Variants in PCDHA1 observed in about 807,000 individuals in gnomAD.
PCDHA1 encodes protocadherin alpha 1.
PCDHA1 carries 42 observed loss-of-function variants against 61.3 expected under a neutral mutation model. The ratio of observed to expected loss-of-function variants is 0.69; its 90% CI spans 0.54 to 0.89. The LOEUF (loss-of-function observed/expected upper bound fraction) is 0.89. Ranked by LOEUF, PCDHA1 falls within the 40% of genes least tolerant of loss-of-function variation. The probability of loss-of-function intolerance (pLI) is 0.00; values close to 1 mark genes in which losing one functional copy is unlikely to be tolerated. For synonymous variants in PCDHA1, 610 were observed against 553.8 expected, an observed-to-expected ratio of 1.10 and a Z score of -1.43; for missense variants, 1,256 against 1,235.3, an observed-to-expected ratio of 1.02 and a Z score of -0.25.
intron 1 of PCDHA1, chr5:140,870,556 G>A (rs782048917): frequency 8.1e-6 from 13 of 1,614,038 alleles, no homozygotes; most frequent in Middle Eastern, 1.7e-4. Flanking sequence ...GGACGCGCAG[G>A]AGAACGCGCT....
chr5:140,844,668 T>C lies in PCDHA1; in HGVS notation c.2394+55984T>C, dbSNP rs2150373115. Among the ~76,000 whole-genome samples, 20 of 149,718 alleles carry C rather than the reference T, an allele frequency of 1.3e-4. 1 individual carries two copies. The highest frequency in any genetic ancestry group is 4.9e-4 in the African/African-American group (20 of 40,994). On this transcript the variant is annotated intron_variant, in intron 1 of 3. Transcript: ENST00000504120. ...TCATTCTTGCAAACCAAACATATAA[T>C]TTATAAATCCTTATTATACAGAATA... is the stretch of plus-strand genomic sequence containing the variant.
intron 1 of PCDHA1, chr5:140,801,268 C>T: frequency 6.2e-7 from 1 of 1,613,724 alleles, no homozygotes. Context: ...CTCGCAGCCT[C>T]GGAGGTGGGG....
intron 1 of PCDHA1, chr5:140,822,398 G>C: frequency 6.2e-7 from 1 of 1,614,062 alleles, no homozygotes; most frequent in Non-Finnish European, 8.5e-7. Context: ...CAAGAACACC[G>C]TTTATTAGTG....
chr5:140,819,310 T>C (rs1766532133), intron 1 of PCDHA1, among the ~76,000 whole-genome samples: 1 of 152,190 alleles, frequency 6.6e-6, no homozygotes, highest in African/African-American at 2.4e-5. Flanking sequence ...AATTTTATTC[T>C]GGGTTTTGTA....
chr5:140,998,639 A>G (rs1165002908), intron 3 of PCDHA1, among the ~76,000 whole-genome samples: 2 of 151,766 alleles, frequency 1.3e-5, no homozygotes, highest in African/African-American at 2.4e-5. Flanking sequence ...ATCTCAGCTC[A>G]CTGCAACCTC....
Position 140,786,149 on chromosome 5 carries a change from TA to T in PCDHA1, c.-138del. On this transcript the variant is annotated 5_prime_UTR_variant, in exon 1 of 4. Transcript: ENST00000504120. ...TCAATAGAAGGGAGCTACTGATCAC[TA>T]AAAGTGAAGGAGGAAGCTCCATTTT... 1 of 1,088,264 alleles carries T rather than the reference TA, an allele frequency of 9.2e-7. No homozygotes were observed. The highest frequency in any genetic ancestry group is 1.3e-6 in the Non-Finnish European group (1 of 755,378). The allele number at this position is 1,088,264 out of a possible 1,614,324, so 67.4% of individuals were successfully genotyped here.
chr5:140,821,804 G>C, intron 1 of PCDHA1: 1 of 1,613,464 alleles, frequency 6.2e-7, no homozygotes, highest in South Asian at 1.1e-5. Context: ...GGAAGTCTGG[G>C]ATCCCGGCTC....
intron 3 of PCDHA1, among the ~76,000 whole-genome samples, chr5:140,987,422 G>A (rs1554249178): frequency 6.6e-6 from 1 of 152,152 alleles, no homozygotes; most frequent in Non-Finnish European, 1.5e-5. Flanking sequence ...CTTGTGAGAA[G>A]CAGGGGGCCT....
intron 1 of PCDHA1, chr5:140,830,253 T>G: frequency 6.2e-7 from 1 of 1,613,696 alleles, no homozygotes; most frequent in Non-Finnish European, 8.5e-7. Flanking sequence ...TACACAGCGC[T>G]GCGGTGCTCG....
intron 1 of PCDHA1, among the ~76,000 whole-genome samples, chr5:140,947,763 A>C (rs1392881813): frequency 1.3e-5 from 2 of 151,658 alleles, no homozygotes; most frequent in Non-Finnish European, 3.0e-5. Context: ...TGGTTTAAAA[A>C]ATTCTATTGT....
rs1554118038 is a variant in PCDHA1 at position 140,787,898 on chromosome 5, C to G, written c.1608C>G (p.Ser536Arg). 6.2e-6 allele frequency: 10 copies of G among 1,613,526 alleles called. No homozygotes were observed. The highest frequency in any genetic ancestry group is 8.5e-6 in the Non-Finnish European group (10 of 1,179,854). The change falls in exon 1 of 4, where the codon AGC (serine) becomes AGG (arginine). Residue 536 changes from serine (S) to arginine (R), a missense_variant. By Grantham distance (110) the Ser-to-Arg change is moderately radical. Coordinates refer to ENST00000504120, the MANE Select transcript of PCDHA1 (RefSeq NM_018900.4). The part of the protein sequence containing the change: ...EELELLQFQV[S>R]ARDAGVPPLG... ...TGGAGCTGCTGCAGTTCCAGGTGAG[C>G]GCGCGGGATGCGGGCGTGCCGCCTC... is the stretch of plus-strand genomic sequence containing the variant.
intron 1 of PCDHA1, chr5:140,797,182 G>A: frequency 6.2e-7 from 1 of 1,614,168 alleles, no homozygotes; most frequent in Non-Finnish European, 8.5e-7. Context: ...GCCCACGCTG[G>A]TGTGCTCCAG....
intron 1 of PCDHA1, among the ~76,000 whole-genome samples, chr5:140,892,396 T>G (rs1263522999): frequency 1.3e-5 from 2 of 152,212 alleles, no homozygotes; most frequent in Non-Finnish European, 2.9e-5. Context: ...TCTTAATCTA[T>G]TTCAAGCTTC....
intron 1 of PCDHA1, among the ~76,000 whole-genome samples, chr5:140,885,555 C>T (rs1225816980): frequency 3.3e-5 from 5 of 151,940 alleles, no homozygotes; most frequent in South Asian, 2.1e-4. Flanking sequence ...GTTATTTCTA[C>T]GAAATTGATT....
intron 1 of PCDHA1, chr5:140,822,687 CG>C: frequency 6.2e-7 from 1 of 1,608,794 alleles, no homozygotes; most frequent in Non-Finnish European, 8.5e-7. Flanking sequence ...TAAAAGTTAA[CG>C]GGGAACTGGA....
intron 1 of PCDHA1, chr5:140,884,600 C>G: frequency 6.2e-7 from 1 of 1,614,150 alleles, no homozygotes; most frequent in African/African-American, 1.3e-5. Flanking sequence ...CAGCCTTCCT[C>G]CTTGTCTGGG....
At chr5:140,796,564 C>A (rs1762102452) in intron 1 of PCDHA1, 2 of 1,613,022 alleles carry the variant, frequency 1.2e-6, no homozygotes, top group Non-Finnish European at 1.7e-6. Context: ...GCTGCAGTTC[C>A]AGGTGAGCGC....
chr5:140,807,608 T>A (rs782498556), intron 1 of PCDHA1: 1 of 1,613,984 alleles, frequency 6.2e-7, no homozygotes, highest in Non-Finnish European at 8.5e-7. Context: ...AAAGAACCTG[T>A]CCATCGCGGA....
intron 1 of PCDHA1, among the ~76,000 whole-genome samples, chr5:140,837,973 C>T (rs1397012056): frequency 6.6e-6 from 1 of 151,666 alleles, no homozygotes; most frequent in Non-Finnish European, 1.5e-5. Context: ...ACAACCACAC[C>T]CAGCCTGCCT....
Sources: allele counts gnomAD v4.1 joint callset (sites outside exome capture counted in the v4.1 genomes callset), GRCh38; gene constraint gnomAD v4.1.1; transcripts MANE v1.5; gene names NCBI Gene and HGNC (gene_info 2026-07-23, HGNC 2026-07-21).